IL12RB2: variants seen among roughly 807,000 people sequenced by gnomAD.
IL12RB2 encodes the protein interleukin-12 receptor subunit beta-2.
Under a neutral mutation model 89.4 loss-of-function variants are expected in IL12RB2, and 82 were observed. That is an observed-to-expected ratio of 0.92 (90% CI 0.77 to 1.10). IL12RB2 has a LOEUF of 1.10. IL12RB2 is among the 50% of genes least tolerant of loss of function. IL12RB2 has a pLI of 0.00. For synonymous variants in IL12RB2, 368 were observed against 370.1 expected, an observed-to-expected ratio of 0.99 and a Z score of 0.07; for missense variants, 963 against 1,031.9, an observed-to-expected ratio of 0.93 and a Z score of 0.92.
At chr1:67,379,509 CAA>C (rs58494224) in intron 13 of IL12RB2, among the ~76,000 whole-genome samples, 69 of 68,504 alleles carry the variant, frequency 1.0e-3, no homozygotes, top group African/African-American at 3.8e-3. Context: ...GAACCTGTCT[CAA>C]AAAAAAAAAA....
intron 14 of IL12RB2, among the ~76,000 whole-genome samples, chr1:67,381,559 C>T (rs776842181): frequency 9.2e-5 from 14 of 151,796 alleles, no homozygotes; most frequent in Non-Finnish European, 1.2e-4. Context: ...GTCAGGAGAT[C>T]GAGACCATCC....
At chr1:67,362,770 A>G (rs1570055303) in intron 10 of IL12RB2, among the ~76,000 whole-genome samples, 1 of 152,280 alleles carries the variant, frequency 6.6e-6, no homozygotes, top group South Asian at 2.1e-4. Flanking sequence ...TTGCCAGCAG[A>G]CCTGCCTAGC....
At position 67,341,551 on chromosome 1, in the gene IL12RB2, G is replaced by A. The variant is rs199700984; in HGVS notation, c.1038+2848G>A. ...AAAGAGAAAGAAAGAAAGAAAGAAA[G>A]AAAGAAAGAAAGAAAGAAAGAAAGA... On this transcript the variant is annotated intron_variant, in intron 9 of 16. Coordinates refer to ENST00000674203, the MANE Select transcript of IL12RB2 (RefSeq NM_001374259.2). Among the ~76,000 whole-genome samples the A allele has an allele frequency of 3.0e-3, 162 of 53,430 alleles. 1 individual carries two copies. The highest frequency in any genetic ancestry group is 0.028 in the Admixed American group (133 of 4,716). 35.1% of individuals were successfully genotyped at this position (53,430 alleles called of 152,430 possible).
chr1:67,358,671 A>AAG (rs200534143), intron 10 of IL12RB2, among the ~76,000 whole-genome samples: 1 of 151,496 alleles, frequency 6.6e-6, no homozygotes, highest in African/African-American at 2.4e-5. Context: ...GTAAGGATAA[A>AAG]AGAGAGAGAG....
At chr1:67,391,405 A>ACACACG (rs1475000161) in intron 16 of IL12RB2, among the ~76,000 whole-genome samples, 1 of 147,790 alleles carries the variant, frequency 6.8e-6, no homozygotes, top group African/African-American at 2.5e-5. Context: ...ACACACACAC[A>ACACACG]AACTGCTGTT....
At chr1:67,312,963 T>C (rs1317146022) in intron 1 of IL12RB2, among the ~76,000 whole-genome samples, 1 of 152,170 alleles carries the variant, frequency 6.6e-6, no homozygotes, top group Non-Finnish European at 1.5e-5. Context: ...GTAGAAAAGG[T>C]TATGCATTTT....
intron 16 of IL12RB2, among the ~76,000 whole-genome samples, chr1:67,392,677 C>T (rs2100321719): frequency 8.1e-6 from 1 of 123,498 alleles, no homozygotes; most frequent in African/African-American, 3.1e-5. Context: ...TGTTGCCAGG[C>T]TGGAGTGCAG....
At chr1:67,364,234 T>C (rs543414563) in intron 10 of IL12RB2, among the ~76,000 whole-genome samples, 1 of 152,152 alleles carries the variant, frequency 6.6e-6, no homozygotes, top group South Asian at 2.1e-4. Flanking sequence ...CTCCTAAAAA[T>C]ACAAAAATTA....
intron 1 of IL12RB2, among the ~76,000 whole-genome samples, chr1:67,310,092 G>C (rs556573816): frequency 6.7e-6 from 1 of 148,684 alleles, no homozygotes; most frequent in Non-Finnish European, 1.5e-5. Flanking sequence ...GTTGAGACAG[G>C]AGAATCGATT....
At chr1:67,366,586 G>C (rs374253633) in intron 10 of IL12RB2, among the ~76,000 whole-genome samples, 4 of 151,822 alleles carry the variant, frequency 2.6e-5, no homozygotes, top group Non-Finnish European at 4.4e-5. Flanking sequence ...GGAGAAATGA[G>C]AGCCTTCATG....
chr1:67,333,550 CT>C (rs1658377378), intron 8 of IL12RB2, among the ~76,000 whole-genome samples: 1 of 152,116 alleles, frequency 6.6e-6, no homozygotes, highest in African/African-American at 2.4e-5. Context: ...TTAGGGCTTC[CT>C]TTACTCCATA....
At chr1:67,361,092 C>T (rs1452301879) in intron 10 of IL12RB2, among the ~76,000 whole-genome samples, 1 of 152,142 alleles carries the variant, frequency 6.6e-6, no homozygotes, top group Non-Finnish European at 1.5e-5. Flanking sequence ...GTTCCCAGTA[C>T]AGGAGCACAG....
intron 13 of IL12RB2, among the ~76,000 whole-genome samples, chr1:67,377,444 C>G (rs1202368009): frequency 6.6e-6 from 1 of 152,168 alleles, no homozygotes; most frequent in Non-Finnish European, 1.5e-5. Flanking sequence ...ACCCCAAACT[C>G]ACTATGCCAA....
chr1:67,339,613 A>T (rs182741902), intron 9 of IL12RB2, among the ~76,000 whole-genome samples: 5 of 152,312 alleles, frequency 3.3e-5, no homozygotes, highest in Admixed American at 2.6e-4. Context: ...TTATCATAGA[A>T]TGCGAAAGTT....
At chr1:67,352,957 T>G (rs1661009061) in intron 10 of IL12RB2, among the ~76,000 whole-genome samples, 1 of 152,198 alleles carries the variant, frequency 6.6e-6, no homozygotes, top group African/African-American at 2.4e-5. Flanking sequence ...GTAACAAACT[T>G]TAAATTAAAC....
At chr1:67,328,870 C>T (rs1196585647) in intron 6 of IL12RB2, among the ~76,000 whole-genome samples, 1 of 152,210 alleles carries the variant, frequency 6.6e-6, no homozygotes, top group African/African-American at 2.4e-5. Context: ...TACTCACCTC[C>T]ATCCCTGGAG....
intron 10 of IL12RB2, among the ~76,000 whole-genome samples, chr1:67,361,773 T>A (rs1034334121): frequency 1.3e-5 from 2 of 152,082 alleles, no homozygotes; most frequent in African/African-American, 4.8e-5. Flanking sequence ...ATCAAATTAA[T>A]GTCAGACACC....
At chr1:67,380,375 C>CT (rs1557468648) in intron 14 of IL12RB2, among the ~76,000 whole-genome samples, 2 of 152,150 alleles carry the variant, frequency 1.3e-5, no homozygotes, top group Non-Finnish European at 2.9e-5. Context: ...CCAAATGCTC[C>CT]TTACATAATG....
chr1:67,358,059 T>C (rs1183114718), intron 10 of IL12RB2, among the ~76,000 whole-genome samples: 1 of 151,554 alleles, frequency 6.6e-6, no homozygotes, highest in Non-Finnish European at 1.5e-5. Context: ...ATTTTTTTTT[T>C]CATTTTATTG....
Sources: allele counts gnomAD v4.1 joint callset (sites outside exome capture counted in the v4.1 genomes callset), GRCh38; gene constraint gnomAD v4.1.1; transcripts MANE v1.5; gene names NCBI Gene and HGNC (gene_info 2026-07-23, HGNC 2026-07-21).